The following CACNA1A variants were observed in gnomAD, a reference collection of about 807,000 sequenced individuals.
CACNA1A encodes voltage-dependent P/Q-type calcium channel subunit alpha-1A.
Under a neutral mutation model 262.4 loss-of-function variants are expected in CACNA1A, and 57 were observed. The observed-to-expected ratio is 0.22, with a 90% CI of 0.18 to 0.27. The LOEUF (loss-of-function observed/expected upper bound fraction) is 0.27. Among genes scored for constraint, CACNA1A ranks in the 10% least tolerant of loss-of-function variants. CACNA1A has a pLI of 1.00. For missense variants in CACNA1A, 2,526 were observed against 3,562.8 expected (o/e 0.71, Z 7.41); for synonymous variants, 1,431 against 1,419.3 (o/e 1.01, Z -0.18).
intron 6 of CACNA1A, among the ~76,000 whole-genome samples, chr19:13,339,857 G>A (rs2058644978): frequency 6.6e-6 from 1 of 151,874 alleles, no homozygotes; most frequent in Admixed American, 6.6e-5. Flanking sequence ...GACAATGAAT[G>A]TGCCAGCCAC....
At chr19:13,310,475 A>ATAT (rs2058001652) in intron 12 of CACNA1A, among the ~76,000 whole-genome samples, 1 of 42,174 alleles carries the variant, frequency 2.4e-5, no homozygotes, top group African/African-American at 1.3e-4. Flanking sequence ...AAAAAAAAAA[A>ATAT]AAAAAAAAAA....
chr19:13,433,460 C>CAAAAAAAAAAAAAAAAAAAAAAAAAAAAA (rs533297364), intron 3 of CACNA1A, among the ~76,000 whole-genome samples: 11 of 76,224 alleles, frequency 1.4e-4, no homozygotes, highest in Non-Finnish European at 2.6e-4. Flanking sequence ...GACGCTGTCT[C>CAAAAAAAAAAAAAAAAAAAAAAAAAAAAA]AAAAAAAAAA....
At position 13,347,632 on chromosome 19, in the gene CACNA1A, C is replaced by T. The variant is rs139338770; in HGVS notation, c.979-11723G>A. Among the ~76,000 whole-genome samples, 190 of 152,306 alleles carry T rather than the reference C, an allele frequency of 1.2e-3. 2 individuals are homozygous for T. The highest frequency in any genetic ancestry group is 1.9e-3 in the Non-Finnish European group (126 of 68,036). Reference sequence around the variant, plus strand: ...AGTCGTTGCGATGGAGACCATCTGGCCCACAAAGCCTAAACTATTTAATGT... The same window carrying T: ...AGTCGTTGCGATGGAGACCATCTGGTCCACAAAGCCTAAACTATTTAATGT... On this transcript the variant is annotated intron_variant, in intron 6 of 46. Transcript: ENST00000360228.
At chr19:13,456,652 C>T (rs559781766) in intron 1 of CACNA1A, among the ~76,000 whole-genome samples, 3 of 152,048 alleles carry the variant, frequency 2.0e-5, no homozygotes, top group East Asian at 1.9e-4. Context: ...CCAGCCTGGG[C>T]GACAGAGCGA....
intron 6 of CACNA1A, among the ~76,000 whole-genome samples, chr19:13,354,581 G>T (rs1037018609): frequency 5.3e-5 from 8 of 152,182 alleles, no homozygotes; most frequent in African/African-American, 2.4e-5. Context: ...AGAGAGAGGG[G>T]TTATCTCACT....
chr19:13,267,551 G>A (rs2056893024), intron 24 of CACNA1A, among the ~76,000 whole-genome samples: 1 of 152,180 alleles, frequency 6.6e-6, no homozygotes, highest in African/African-American at 2.4e-5. Flanking sequence ...AGGCGTTGTG[G>A]AGCTGCAAGG....
intron 40 of CACNA1A, among the ~76,000 whole-genome samples, chr19:13,213,258 A>G (rs1469675692): frequency 6.6e-6 from 1 of 152,018 alleles, no homozygotes; most frequent in African/African-American, 2.4e-5. Flanking sequence ...GAGCCTTTGC[A>G]CTGGCTGTTT....
intron 3 of CACNA1A, among the ~76,000 whole-genome samples, chr19:13,430,153 A>G (rs1331073270): frequency 6.6e-6 from 1 of 150,752 alleles, no homozygotes; most frequent in Non-Finnish European, 1.5e-5. Flanking sequence ...CCGCTCAACT[A>G]AACACTTAAA....
intron 38 of CACNA1A, among the ~76,000 whole-genome samples, chr19:13,219,009 C>T (rs1234157227): frequency 6.6e-6 from 1 of 150,766 alleles, no homozygotes; most frequent in Admixed American, 6.6e-5. Flanking sequence ...GCCAGGATTA[C>T]AGGCGTAAGC....
intron 4 of CACNA1A, among the ~76,000 whole-genome samples, chr19:13,369,778 A>C (rs996829376): frequency 2.0e-5 from 3 of 152,184 alleles, no homozygotes; most frequent in Non-Finnish European, 1.5e-5. Flanking sequence ...TGCTGGGATT[A>C]CAGGTGTGAG....
At chr19:13,379,609 G>T (rs567631930) in intron 3 of CACNA1A, among the ~76,000 whole-genome samples, 1 of 152,226 alleles carries the variant, frequency 6.6e-6, no homozygotes, top group South Asian at 2.1e-4. Context: ...TTTACCACCT[G>T]GAAGGCAAAC....
chr19:13,436,267 C>T (rs1449301446), intron 3 of CACNA1A, among the ~76,000 whole-genome samples: 2 of 152,138 alleles, frequency 1.3e-5, no homozygotes, highest in African/African-American at 2.4e-5. Flanking sequence ...GCTGCTGAGG[C>T]GAGTGTGATT....
rs1341135045 is a variant in CACNA1A, at chr19:13,468,310, C to G, written c.294-13098G>C. On this transcript the variant is annotated intron_variant, in intron 1 of 46. Transcript: ENST00000360228. ...TAGGTCAGTAAAGTTCTCTAGGGAC[C>G]TCTGAGTGGTGTGAGGTCTCTGTCT... Among the ~76,000 whole-genome samples the G allele has an allele frequency of 2.6e-5, 4 of 152,092 alleles. No homozygotes were observed. The East Asian group carries it at 7.7e-4, about 29-fold the overall frequency.
intron 4 of CACNA1A, chr19:13,365,761 G>A (rs1249975010): frequency 7.9e-6 from 2 of 254,302 alleles, no homozygotes; most frequent in South Asian, 8.9e-5. Flanking sequence ...TCAACCTCCT[G>A]GGCTCAGGTG....
intron 44 of CACNA1A, 90 bp downstream of exon 44, chr19:13,210,527 C>T (rs964691481): frequency 4.2e-5 from 47 of 1,123,502 alleles, no homozygotes; most frequent in South Asian, 1.1e-4. Flanking sequence ...GGTCCGGGGA[C>T]GGTGAGAGAT....
intron 3 of CACNA1A, among the ~76,000 whole-genome samples, chr19:13,441,693 G>A (rs1321015547): frequency 4.0e-5 from 6 of 149,278 alleles, no homozygotes; most frequent in Non-Finnish European, 7.4e-5. Flanking sequence ...AAAGAGTCTC[G>A]GTTTGTTGCG....
At chr19:13,498,939 GAGGCCCAGTGGTTT>G (rs1982013446) in intron 1 of CACNA1A, among the ~76,000 whole-genome samples, 4 of 152,190 alleles carry the variant, frequency 2.6e-5, no homozygotes, top group Non-Finnish European at 5.9e-5. Flanking sequence ...GATAAGAACT[GAGGCCCAGTGGTTT>G]TTGAAACCTA....
At chr19:13,449,111 C>T (rs764001341) in intron 3 of CACNA1A, among the ~76,000 whole-genome samples, 4 of 150,256 alleles carry the variant, frequency 2.7e-5, no homozygotes, top group Non-Finnish European at 5.9e-5. Flanking sequence ...GGACTACAGG[C>T]GTGCGTCATC....
At chr19:13,268,244 G>A (rs2056915533) in intron 24 of CACNA1A, among the ~76,000 whole-genome samples, 1 of 152,096 alleles carries the variant, frequency 6.6e-6, no homozygotes, top group Non-Finnish European at 1.5e-5. Flanking sequence ...CGGGCCTGGG[G>A]AAAGCTATCA....
Sources: gnomAD v4.1 joint callset for allele counts (sites outside exome capture counted in the v4.1 genomes callset) on GRCh38, gnomAD v4.1.1 for gene constraint, MANE v1.5 for transcripts, NCBI Gene and HGNC (gene_info 2026-07-23, HGNC 2026-07-21) for gene names.